CDH13: variants seen among roughly 807,000 people sequenced by gnomAD.
The protein encoded by CDH13 is cadherin-13.
Under a neutral mutation model 63.8 loss-of-function variants are expected in CDH13, and 24 were observed. The ratio of observed to expected loss-of-function variants is 0.38; its 90% CI spans 0.27 to 0.53. The LOEUF is 0.53. CDH13 is among the 20% of genes least tolerant of loss of function. The pLI, the probability that CDH13 is intolerant of heterozygous loss-of-function variation, is 0.85. For missense variants in CDH13, 1,049 were observed against 903.1 expected, an observed-to-expected ratio of 1.16 and a Z score of -2.07; for synonymous variants, 503 against 355.3, an observed-to-expected ratio of 1.42 and a Z score of -4.67.
intron 2 of CDH13, among the ~76,000 whole-genome samples, chr16:83,006,009 G>C (rs1350414676): frequency 6.6e-6 from 1 of 152,162 alleles, no homozygotes; most frequent in Admixed American, 6.5e-5. Context: ...TAGAATTTAA[G>C]TATTTTTGAA....
At chr16:83,703,854 G>A (rs1208473815) in intron 10 of CDH13, among the ~76,000 whole-genome samples, 2 of 152,016 alleles carry the variant, frequency 1.3e-5, no homozygotes, top group Admixed American at 1.3e-4. Context: ...TCCATAATAG[G>A]CACGAACTCG....
chr16:83,336,951 T>A (rs922462122), intron 5 of CDH13, among the ~76,000 whole-genome samples: 3 of 152,202 alleles, frequency 2.0e-5, no homozygotes, highest in Non-Finnish European at 4.4e-5. Context: ...TTGGGTAAGA[T>A]CTCAGTGTCA....
At chr16:83,191,460 T>TATAGAG (rs749021673) in intron 4 of CDH13, among the ~76,000 whole-genome samples, 1 of 69,532 alleles carries the variant, frequency 1.4e-5, no homozygotes, top group South Asian at 5.4e-4. Context: ...TAATAGGAAA[T>TATAGAG]ATATATATAT....
At chr16:83,531,712 C>G (rs1567742122) in intron 7 of CDH13, among the ~76,000 whole-genome samples, 1 of 152,160 alleles carries the variant, frequency 6.6e-6, no homozygotes, top group Non-Finnish European at 1.5e-5. Context: ...TGAATTCAGT[C>G]TCTAGAAGCA....
intron 6 of CDH13, among the ~76,000 whole-genome samples, chr16:83,411,549 TA>T (rs1164573486): frequency 3.3e-5 from 5 of 152,182 alleles, no homozygotes; most frequent in African/African-American, 4.8e-5. Context: ...TTTAAATATT[TA>T]AAAAATAAAT....
At chr16:83,510,963 A>T (rs958698750) in intron 7 of CDH13, among the ~76,000 whole-genome samples, 1 of 152,240 alleles carries the variant, frequency 6.6e-6, no homozygotes, top group South Asian at 2.1e-4. Flanking sequence ...CTATTCTGTC[A>T]TGTAAGGACA....
intron 5 of CDH13, among the ~76,000 whole-genome samples, chr16:83,227,854 G>A (rs2151799422): frequency 6.6e-6 from 1 of 152,248 alleles, no homozygotes; most frequent in African/African-American, 2.4e-5. Flanking sequence ...CATTGATCTG[G>A]CACCCAACTT....
chr16:83,393,051 A>T (rs913213505), intron 6 of CDH13, among the ~76,000 whole-genome samples: 5 of 152,190 alleles, frequency 3.3e-5, no homozygotes, highest in African/African-American at 4.8e-5. Flanking sequence ...GGCCAGAGAC[A>T]GTTCCCTGCC....
chr16:83,300,701 C>T (rs2089713585), intron 5 of CDH13, among the ~76,000 whole-genome samples: 1 of 152,166 alleles, frequency 6.6e-6, no homozygotes, highest in African/African-American at 2.4e-5. Flanking sequence ...TAAAATAAGA[C>T]TGCAAACTTT....
chr16:82,811,544 C>G (rs1040811901), intron 1 of CDH13, among the ~76,000 whole-genome samples: 1 of 152,070 alleles, frequency 6.6e-6, no homozygotes, highest in Non-Finnish European at 1.5e-5. Flanking sequence ...AGTTGAAGAA[C>G]CTGCTTAATT....
In CDH13 at chr16:83,026,084, T is replaced by C. The variant is rs569104305; in HGVS notation, c.158-5926T>C. ...TATCAAAAATATACAAAGACCCAAT[T>C]ATGCAACTGTTAGCTATTTGATTTA... On this transcript the variant is annotated intron_variant, in intron 2 of 13. Coordinates refer to ENST00000567109, the MANE Select transcript of CDH13 (RefSeq NM_001257.5). 5.9e-5 allele frequency among the ~76,000 whole-genome samples: 9 copies of C among 152,298 alleles called. No homozygotes were observed. In the East Asian group the frequency reaches 1.7e-3, roughly 29 times the overall value.
chr16:82,945,568 C>A (rs564756248), intron 2 of CDH13, among the ~76,000 whole-genome samples: 12 of 152,202 alleles, frequency 7.9e-5, no homozygotes, highest in Admixed American at 1.3e-4. Context: ...TGGTGCATAT[C>A]AAGGATTTTG....
intron 1 of CDH13, chr16:82,637,903 T>C (rs991141857): frequency 6.6e-6 from 1 of 152,194 alleles, no homozygotes; most frequent in African/African-American, 2.4e-5. Context: ...ATTTAGGGAA[T>C]TCAGAGGTAA....
At chr16:83,767,878 G>C (rs1914504110) in intron 11 of CDH13, among the ~76,000 whole-genome samples, 1 of 152,140 alleles carries the variant, frequency 6.6e-6, no homozygotes, top group Admixed American at 6.5e-5. Context: ...ATTGGCCCAA[G>C]GTTTATTTTT....
intron 5 of CDH13, among the ~76,000 whole-genome samples, chr16:83,246,152 G>C (rs1904971775): frequency 6.6e-6 from 1 of 152,164 alleles, no homozygotes; most frequent in African/African-American, 2.4e-5. Flanking sequence ...ATTTGGACTA[G>C]AATTTCTTTA....
intron 2 of CDH13, among the ~76,000 whole-genome samples, chr16:82,968,100 T>G (rs1287965429): frequency 6.6e-6 from 1 of 152,232 alleles, no homozygotes; most frequent in Non-Finnish European, 1.5e-5. Flanking sequence ...CTTAAGAATT[T>G]ATTTCCAATT....
chr16:83,087,697 A>AAAAAAAAAC (rs1567817140), intron 3 of CDH13, among the ~76,000 whole-genome samples: 3 of 144,298 alleles, frequency 2.1e-5, no homozygotes, highest in African/African-American at 5.4e-5. Context: ...AAAAAAAAAA[A>AAAAAAAAAC]GCCTAGCACC....
At chr16:83,007,271 C>G (rs144704416) in intron 2 of CDH13, among the ~76,000 whole-genome samples, 13 of 152,320 alleles carry the variant, frequency 8.5e-5, no homozygotes, top group African/African-American at 2.2e-4. Flanking sequence ...TGACACATTA[C>G]TCTGTGCTAG....
At position 82,891,976 on chromosome 16, in the gene CDH13, T is replaced by G. The variant is rs1220331428; in HGVS notation, c.157+33503T>G. On this transcript the variant is annotated intron_variant, in intron 2 of 13. Coordinates refer to ENST00000567109, the MANE Select transcript of CDH13 (RefSeq NM_001257.5). Reference sequence around the variant, plus strand: ...GTCAGTATCCTTTTGATCCTTTGTTTGTAAATCTTGCCCAGTTGGGGCTGC... The same window carrying G: ...GTCAGTATCCTTTTGATCCTTTGTTGGTAAATCTTGCCCAGTTGGGGCTGC... Among the ~76,000 whole-genome samples the G allele has an allele frequency of 2.0e-5, 3 of 152,196 alleles. No individual in the cohort carries two copies. In the East Asian group the frequency reaches 5.8e-4, roughly 29 times the overall value.
Sources: allele counts gnomAD v4.1 joint callset (sites outside exome capture counted in the v4.1 genomes callset), GRCh38; gene constraint gnomAD v4.1.1; transcripts MANE v1.5; gene names NCBI Gene and HGNC (gene_info 2026-07-23, HGNC 2026-07-21).